Variants in AHRR observed in about 807,000 individuals in gnomAD.
AHRR encodes aryl hydrocarbon receptor repressor.
A neutral mutation model predicts 44.0 loss-of-function variants in AHRR; 28 were observed. The observed-to-expected ratio is 0.64, with a 90% CI of 0.47 to 0.87. The LOEUF (loss-of-function observed/expected upper bound fraction) is 0.87. Among genes scored for constraint, AHRR ranks in the 40% least tolerant of loss-of-function variants. The probability of loss-of-function intolerance (pLI) is 0.00; values close to 1 mark genes in which losing one functional copy is unlikely to be tolerated. For synonymous variants in AHRR, 434 were observed against 407.0 expected (o/e 1.07, Z -0.80); for missense variants, 990 against 953.9 (o/e 1.04, Z -0.50).
chr5:381,674 C>G lies in AHRR; in HGVS notation c.351+4958C>G, dbSNP rs188104240. 3.9e-5 allele frequency among the ~76,000 whole-genome samples: 6 copies of G among 152,082 alleles called. No individual in the cohort carries two copies. The East Asian group carries it at 1.2e-3, about 29-fold the overall frequency. ...GGATTACAGGCATCCACCACCATGC[C>G]CAGCTAACTTTTTGTATTTTTAGTA... is the stretch of plus-strand genomic sequence containing the variant. On this transcript the variant is annotated intron_variant, in intron 4 of 10. Coordinates refer to ENST00000684583, the MANE Select transcript of AHRR (RefSeq NM_001377236.1).
chr5:380,866 C>A (rs1733953861), intron 4 of AHRR, among the ~76,000 whole-genome samples: 1 of 152,174 alleles, frequency 6.6e-6, no homozygotes, highest in Non-Finnish European at 1.5e-5. Flanking sequence ...AGGCTGTCTG[C>A]AAGCTGGAGA....
At chr5:427,490 AG>A (rs1736475441) in intron 7 of AHRR, 1 of 949,320 alleles carries the variant, frequency 1.1e-6, no homozygotes, top group Admixed American at 2.3e-5. Context: ...CCACAGGCGC[AG>A]TTCGTGCCAC....
At chr5:334,335 A>C (rs1276528001) in intron 1 of AHRR, among the ~76,000 whole-genome samples, 1 of 152,128 alleles carries the variant, frequency 6.6e-6, no homozygotes, top group African/African-American at 2.4e-5. Context: ...CTTCATCCTC[A>C]GGAAGACCAA....
At chr5:415,338 G>A (rs370072025) in intron 5 of AHRR, among the ~76,000 whole-genome samples, 21 of 90,132 alleles carry the variant, frequency 2.3e-4, no homozygotes, top group Admixed American at 1.3e-3. Context: ...TCTGCCTGGT[G>A]GGGCGGGAGG....
intron 4 of AHRR, among the ~76,000 whole-genome samples, chr5:398,289 C>CCA: frequency 6.6e-6 from 1 of 152,144 alleles, no homozygotes; most frequent in African/African-American, 2.4e-5. Context: ...CCCTGACCAT[C>CCA]CGTGTTAGCC....
At chr5:392,874 C>T (rs1734532327) in intron 4 of AHRR, among the ~76,000 whole-genome samples, 1 of 152,032 alleles carries the variant, frequency 6.6e-6, no homozygotes, top group African/African-American at 2.4e-5. Flanking sequence ...ACTGTCTCCC[C>T]CATGCCTTCA....
In AHRR at chr5:387,420, C is replaced by T. The variant is rs937408357; in HGVS notation, c.351+10704C>T. Among the ~76,000 whole-genome samples the T allele has an allele frequency of 2.0e-5, 3 of 152,210 alleles. No homozygotes were observed. The highest frequency in any genetic ancestry group is 4.8e-5 in the African/African-American group (2 of 41,468). On this transcript the variant is annotated intron_variant, in intron 4 of 10. Transcript: ENST00000684583. This position sits in a 1 kb window ranked among gnomAD's most constrained non-coding sequence, Gnocchi z 5.1. ...GGGAGGAAAAAATAATGAGGATTGC[C>T]CTCTTCTTGTACAGCAGGGACCCCA...
chr5:390,616 G>A (rs1028234529), intron 4 of AHRR, among the ~76,000 whole-genome samples: 2 of 152,140 alleles, frequency 1.3e-5, no homozygotes, highest in African/African-American at 4.8e-5. Context: ...GAGAGACGCC[G>A]GGGGTCAGAG....
rs543473524 is a variant in AHRR at position 375,682 on chromosome 5, C to T, written c.245-928C>T. 4.4e-4 allele frequency among the ~76,000 whole-genome samples: 67 copies of T among 152,336 alleles called. No homozygotes were observed. The East Asian group carries it at 5.4e-3, about 12-fold the overall frequency. Reference sequence around the variant, plus strand: ...GACGCGGGAGCAGCAGATGCCCCCCCGGCCTTGCTGGGGTGCGCTTTGGTC... The same window carrying T: ...GACGCGGGAGCAGCAGATGCCCCCCTGGCCTTGCTGGGGTGCGCTTTGGTC... On this transcript the variant is annotated intron_variant, in intron 3 of 10. Transcript: ENST00000684583.
rs905759987 is a variant in AHRR, at chr5:326,806, C to T, written c.-11+4987C>T. On this transcript the variant is annotated intron_variant, in intron 1 of 10. Coordinates refer to ENST00000684583, the MANE Select transcript of AHRR (RefSeq NM_001377236.1). This position sits in a 1 kb window ranked among gnomAD's most constrained non-coding sequence, Gnocchi z 4.1. ...CCGGCGCATGGTTCACGCCTGTAAT[C>T]CCTGCACTTTGGGAGGCTGAGGCAG... Among the ~76,000 whole-genome samples, 2 of 152,168 alleles carry T rather than the reference C, an allele frequency of 1.3e-5. No homozygotes were observed. The highest frequency in any genetic ancestry group is 4.8e-5 in the African/African-American group (2 of 41,434).
chr5:434,098 C>T lies in AHRR; in HGVS notation c.1358C>T (p.Pro453Leu), dbSNP rs773041292. Residue 453 changes from proline to leucine, a missense_variant, in exon 11 of 11, where the codon CCG (proline) becomes CTG (leucine). Physicochemically the swap from Pro to Leu is moderately conservative, Grantham distance 98. Coordinates refer to ENST00000684583, the MANE Select transcript of AHRR (RefSeq NM_001377236.1). ...AGGAACTCGCCCATCTCTCACCCGCCGAGCCCGTCCCCCAGTGCCTACTCC... is the reference window on the plus strand; with the variant it reads ...AGGAACTCGCCCATCTCTCACCCGCTGAGCCCGTCCCCCAGTGCCTACTCC... ...TFRNSPISHP[P>L]SPSPSAYSSR... The T allele has an allele frequency of 8.1e-6, 13 of 1,612,990 alleles. No homozygotes were observed. Among genetic ancestry groups the T allele is most frequent in the South Asian group, 2.2e-5 (2 of 91,038 alleles).
chr5:370,780 G>A lies in AHRR; in HGVS notation c.245-5830G>A, dbSNP rs1000866570. Among the ~76,000 whole-genome samples the A allele has an allele frequency of 6.7e-6, 1 of 148,340 alleles. No individual in the cohort carries two copies. The highest frequency in any genetic ancestry group is 6.7e-5 in the Admixed American group (1 of 14,972). On this transcript the variant is annotated intron_variant, in intron 3 of 10. Coordinates refer to ENST00000684583, the MANE Select transcript of AHRR (RefSeq NM_001377236.1). The surrounding 1 kb of genome is among the most constrained non-coding windows in gnomAD (Gnocchi z 4.5). Reference sequence around the variant, plus strand: ...TGCAGGTGTTGGTGGGGGGAGGGGGGCACGTTCCCATCATGCTTGTCCGAC... The same window carrying A: ...TGCAGGTGTTGGTGGGGGGAGGGGGACACGTTCCCATCATGCTTGTCCGAC...
Position 337,145 on chromosome 5 carries a change from A to T in AHRR, c.-10-6748A>T, listed in dbSNP as rs928449411. Among the ~76,000 whole-genome samples, 23 of 152,216 alleles carry T rather than the reference A, an allele frequency of 1.5e-4. No individual in the cohort carries two copies. The highest frequency in any genetic ancestry group is 5.1e-4 in the African/African-American group (21 of 41,444). ...ATATTTTACAAAAATAGAGAAAATT[A>T]TACAAAGAGCTCAATTTTTTCATCA... On this transcript the variant is annotated intron_variant, in intron 1 of 10. Coordinates refer to ENST00000684583, the MANE Select transcript of AHRR (RefSeq NM_001377236.1). The surrounding 1 kb of genome is among the most constrained non-coding windows in gnomAD (Gnocchi z 4.1).
chr5:366,141 C>T (rs1269311962), intron 3 of AHRR, among the ~76,000 whole-genome samples: 2 of 151,862 alleles, frequency 1.3e-5, no homozygotes, highest in African/African-American at 4.8e-5. Flanking sequence ...GCAATCACAC[C>T]TAACATTCAG....
Position 427,622 on chromosome 5 carries a change from C to T in AHRR, c.709-185C>T, listed in dbSNP as rs371813601. On this transcript the variant is annotated intron_variant, in intron 7 of 10. Transcript: ENST00000684583. ...TGGTTTCAGGATGATTCAAGCACAT[C>T]GAATCACTCTGCAGGCCCGGGGGTC... The T allele has an allele frequency of 4.3e-5, 70 of 1,612,422 alleles. No homozygotes were observed. The African/African-American group carries it at 6.0e-4, about 14-fold the overall frequency.
At chr5:348,328 C>G (rs1048236963) in intron 2 of AHRR, among the ~76,000 whole-genome samples, 2 of 151,132 alleles carry the variant, frequency 1.3e-5, no homozygotes, top group Admixed American at 6.7e-5. Context: ...GGGATTCCCC[C>G]CCTCCTTTTT....
chr5:321,974 G>A lies in AHRR; in HGVS notation c.-11+155G>A, dbSNP rs1741510832. Among the ~76,000 whole-genome samples, 3 of 152,180 alleles carry A rather than the reference G, an allele frequency of 2.0e-5. No individual in the cohort carries two copies. The South Asian group carries it at 6.2e-4, about 31-fold the overall frequency. ...TCGCCAGGCCCGGCGGCCCCGGGACGGGGCGGACACTCTGGGGTGCGGCTG... is the reference window on the plus strand; with the variant it reads ...TCGCCAGGCCCGGCGGCCCCGGGACAGGGCGGACACTCTGGGGTGCGGCTG... On this transcript the variant is annotated intron_variant, in intron 1 of 10. Coordinates refer to ENST00000684583, the MANE Select transcript of AHRR (RefSeq NM_001377236.1). This position sits in a 1 kb window ranked among gnomAD's most constrained non-coding sequence, Gnocchi z 8.3.
chr5:348,333 C>CT (rs34078521), intron 2 of AHRR, among the ~76,000 whole-genome samples: 11,494 of 141,916 alleles, frequency 0.081, 509 homozygotes, highest in Admixed American at 0.14. Context: ...TCCCCCCCTC[C>CT]TTTTTTTTTT....
intron 3 of AHRR, among the ~76,000 whole-genome samples, chr5:355,429 C>T (rs1028676962): frequency 3.3e-5 from 5 of 152,202 alleles, no homozygotes; most frequent in Admixed American, 3.3e-4. Context: ...GTCTGGACAG[C>T]GCAGGAAGGG....
Sources: gnomAD v4.1 joint callset for allele counts (sites outside exome capture counted in the v4.1 genomes callset) on GRCh38, gnomAD v4.1.1 for gene constraint, Gnocchi (gnomAD v3.1) non-coding constraint, MANE v1.5 for transcripts, NCBI Gene and HGNC (gene_info 2026-07-23, HGNC 2026-07-21) for gene names.